APBA2: variants seen among roughly 807,000 people sequenced by gnomAD.
APBA2 encodes the protein amyloid-beta A4 precursor protein-binding family A member 2.
In APBA2, 30 loss-of-function variants were observed where a neutral mutation model predicts 75.0. That is an observed-to-expected ratio of 0.40 (90% CI 0.30 to 0.54). The LOEUF (loss-of-function observed/expected upper bound fraction) is 0.54. Among genes scored for constraint, APBA2 ranks in the 20% least tolerant of loss-of-function variants. APBA2 has a pLI of 0.49. For missense variants in APBA2, 801 were observed against 1,016.1 expected, an observed-to-expected ratio of 0.79 and a Z score of 2.88; for synonymous variants, 444 against 409.6, an observed-to-expected ratio of 1.08 and a Z score of -1.01.
intron 3 of APBA2, among the ~76,000 whole-genome samples, chr15:29,044,789 A>T (rs1181385058): frequency 1.3e-5 from 2 of 152,204 alleles, no homozygotes; most frequent in African/African-American, 2.4e-5. Flanking sequence ...CAGCAGGGGA[A>T]TAGTTAGTGT....
At chr15:28,956,639 A>G (rs2036184473) in intron 2 of APBA2, among the ~76,000 whole-genome samples, 1 of 152,132 alleles carries the variant, frequency 6.6e-6, no homozygotes, top group South Asian at 2.1e-4. Flanking sequence ...GTACATTTAC[A>G]CGGTTGTGCA....
intron 11 of APBA2, 50 bp from the exon 12 acceptor site, chr15:29,106,557 G>T: frequency 6.2e-7 from 1 of 1,603,084 alleles, no homozygotes; most frequent in South Asian, 1.1e-5. Context: ...CCTTGGCAGA[G>T]GCCTCGGTCC....
chr15:29,116,971 T>C lies in APBA2; in HGVS notation c.2179-91T>C, dbSNP rs531400197. 1.1e-5 allele frequency: 15 copies of C among 1,377,072 alleles called. No homozygotes were observed. The Admixed American group carries it at 2.2e-4, about 20-fold the overall frequency. 85.3% of individuals were successfully genotyped at this position (1,377,072 alleles called of 1,614,324 possible). On this transcript the variant is annotated intron_variant, in intron 14 of 14. Coordinates refer to ENST00000683413, the MANE Select transcript of APBA2 (RefSeq NM_001353788.2). ...AGGAGATGGGCATTTGAAGCAGAAC[T>C]CTGGGGGGTTTGCCTCTGTCCTTTG...
intron 3 of APBA2, among the ~76,000 whole-genome samples, chr15:29,005,348 C>A (rs1257460261): frequency 6.6e-6 from 1 of 152,086 alleles, no homozygotes; most frequent in African/African-American, 2.4e-5. Context: ...GCAGCCTCAA[C>A]CTCCTGGGCT....
intron 2 of APBA2, among the ~76,000 whole-genome samples, chr15:28,928,076 G>A (rs997586523): frequency 4.0e-5 from 6 of 150,166 alleles, no homozygotes; most frequent in Admixed American, 6.6e-5. Context: ...CCTGGGAGGC[G>A]GAACTTGCAG....
At chr15:29,030,169 G>A (rs1221531576) in intron 3 of APBA2, among the ~76,000 whole-genome samples, 5 of 152,132 alleles carry the variant, frequency 3.3e-5, no homozygotes, top group South Asian at 2.1e-4. Flanking sequence ...CACTCTAAAG[G>A]AGAAACATGA....
intron 3 of APBA2, among the ~76,000 whole-genome samples, chr15:29,047,952 A>G (rs148408692): frequency 9.2e-5 from 14 of 152,358 alleles, no homozygotes; most frequent in African/African-American, 3.4e-4. Context: ...GTCTACAGCT[A>G]TAAAGAAAAT....
intron 3 of APBA2, 129 bp from the exon 4 acceptor site, chr15:29,053,716 T>G (rs2041722610): frequency 3.2e-6 from 2 of 626,878 alleles, no homozygotes. Context: ...GATGGCGCAC[T>G]GTTTGAACAG....
chr15:28,958,002 TG>T (rs2036266598), intron 2 of APBA2, among the ~76,000 whole-genome samples: 1 of 152,164 alleles, frequency 6.6e-6, no homozygotes, highest in South Asian at 2.1e-4. Flanking sequence ...GGGGAGCATT[TG>T]GAGGACGTGT....
chr15:28,931,016 G>A (rs900378410), intron 2 of APBA2, among the ~76,000 whole-genome samples: 4 of 152,176 alleles, frequency 2.6e-5, no homozygotes, highest in South Asian at 2.1e-4. Context: ...TGCCGCGTCC[G>A]CAGACATTGG....
At chr15:29,102,807 C>T (rs1255575021) in intron 10 of APBA2, 1 of 152,018 alleles carries the variant, frequency 6.6e-6, no homozygotes, top group Non-Finnish European at 1.5e-5. Context: ...CCAGGGCGTT[C>T]TTTTTCACAT....
chr15:28,887,853 T>C (rs1237688672), intron 1 of APBA2, among the ~76,000 whole-genome samples: 1 of 152,074 alleles, frequency 6.6e-6, no homozygotes, highest in Non-Finnish European at 1.5e-5. Flanking sequence ...GGTGATGGCA[T>C]TAGCGATGGG....
intron 3 of APBA2, among the ~76,000 whole-genome samples, chr15:29,045,298 G>T (rs914814470): frequency 6.7e-6 from 1 of 148,992 alleles, no homozygotes; most frequent in East Asian, 2.0e-4. Context: ...CACAATGTTG[G>T]CCAGGCTGGT....
At position 29,076,057 on chromosome 15, in the gene APBA2, A is replaced by G. The variant is rs2042835332; in HGVS notation, c.1035A>G (p.Thr345=). 3.7e-6 allele frequency: 6 copies of G among 1,614,162 alleles called. No homozygotes were observed. Among genetic ancestry groups the G allele is most frequent in the East Asian group, 2.2e-5 (1 of 44,890 alleles). Residue 345 remains threonine, a splice_region_variant and synonymous_variant, in exon 6 of 15, where the codon ACA becomes ACG. Transcript: ENST00000683413. ...TATTTTTCCATATTTCCTAACAGAC[A>G]AAGAAGGTGGCATCATTTCCAAGTT... ...GPVDNNNIPE[T]KKVASFPSFV... is the part of the protein sequence containing the mutation.
intron 3 of APBA2, among the ~76,000 whole-genome samples, chr15:29,039,095 CAGGGTG>C (rs1352631609): frequency 1.1e-5 from 1 of 92,058 alleles, no homozygotes. Flanking sequence ...AGCTGTATGT[CAGGGTG>C]TGTGTGTGTG....
chr15:29,117,311 T>TGTC lies in APBA2; in HGVS notation c.*179_*181dup. On this transcript the variant is annotated 3_prime_UTR_variant, in exon 15 of 15. Coordinates refer to ENST00000683413, the MANE Select transcript of APBA2 (RefSeq NM_001353788.2). ...TTTTTCATTTTGCCAAAAAGGGGTA[T>TGTC]GTCTTTATCAAAGGAGAGTCACAGA... 1 of 620,224 alleles carries TGTC rather than the reference T, an allele frequency of 1.6e-6. No homozygotes were observed. Among genetic ancestry groups the TGTC allele is most frequent in the South Asian group, 1.9e-5 (1 of 53,110 alleles). 38.4% of individuals were successfully genotyped at this position (620,224 alleles called of 1,614,324 possible).
At chr15:28,994,506 AGCAGAG>A (rs2038404897) in intron 2 of APBA2, among the ~76,000 whole-genome samples, 1 of 152,168 alleles carries the variant, frequency 6.6e-6, no homozygotes, top group Admixed American at 6.5e-5. Flanking sequence ...GTTTCCCCTG[AGCAGAG>A]GCAAGCAGGT....
At chr15:28,951,285 G>C (rs1468727054) in intron 2 of APBA2, among the ~76,000 whole-genome samples, 1 of 152,100 alleles carries the variant, frequency 6.6e-6, no homozygotes, top group Non-Finnish European at 1.5e-5. Context: ...TGAGGATTAT[G>C]GTATCTACAG....
intron 2 of APBA2, among the ~76,000 whole-genome samples, chr15:28,963,467 G>C (rs1355874930): frequency 6.6e-6 from 1 of 152,198 alleles, no homozygotes; most frequent in African/African-American, 2.4e-5. Flanking sequence ...GGACTGATGA[G>C]AACCTTCCAG....
Sources: gnomAD v4.1 joint callset for allele counts (sites outside exome capture counted in the v4.1 genomes callset) on GRCh38, gnomAD v4.1.1 for gene constraint, MANE v1.5 for transcripts, NCBI Gene and HGNC (gene_info 2026-07-23, HGNC 2026-07-21) for gene names.